SLC2A14: variants seen among roughly 807,000 people sequenced by gnomAD.
SLC2A14 encodes the protein solute carrier family 2, facilitated glucose transporter member 14.
In SLC2A14, 13 loss-of-function variants were observed where a neutral mutation model predicts 43.0. The ratio of observed to expected loss-of-function variants is 0.30; its 90% CI spans 0.20 to 0.48. The LOEUF is 0.48. Ranked by LOEUF, SLC2A14 falls within the 20% of genes least tolerant of loss-of-function variation. The pLI is 0.99. For missense variants in SLC2A14, 428 were observed against 620.4 expected, an observed-to-expected ratio of 0.69 and a Z score of 3.29; for synonymous variants, 190 against 233.8, an observed-to-expected ratio of 0.81 and a Z score of 1.71.
chr12:7,833,922 G>A (rs1387739507), intron 2 of SLC2A14, among the ~76,000 whole-genome samples: 3 of 152,040 alleles, frequency 2.0e-5, no homozygotes, highest in Non-Finnish European at 4.4e-5. Flanking sequence ...TATACCTGAA[G>A]CCATCTTCTA....
At chr12:7,822,549 G>A (rs911857166) in intron 7 of SLC2A14, among the ~76,000 whole-genome samples, 2 of 151,908 alleles carry the variant, frequency 1.3e-5, no homozygotes, top group African/African-American at 4.8e-5. Flanking sequence ...GGCGCCTGTA[G>A]TCCCAGCTAC....
rs114174027 is a variant in SLC2A14, at chr12:7,829,243, C to A, written c.514-377G>T. Among the ~76,000 whole-genome samples the A allele has an allele frequency of 1.2e-3, 175 of 151,774 alleles. 1 individual carries two copies. Among genetic ancestry groups the A allele is most frequent in the African/African-American group, 4.0e-3 (164 of 41,396 alleles). ...AAAACAAAACAAAAGTTCAGAAAAT[C>A]ATACATTATTTTACCATTGAAAAAA... On this transcript the variant is annotated intron_variant, in intron 5 of 10. Coordinates refer to ENST00000431042, the MANE Select transcript of SLC2A14 (RefSeq NM_001286234.2).
chr12:7,827,141 GC>G, intron 7 of SLC2A14, among the ~76,000 whole-genome samples: 1 of 139,954 alleles, frequency 7.1e-6, no homozygotes, highest in South Asian at 2.2e-4. Flanking sequence ...AAGGAGTTCT[GC>G]CCTGGTTGCT....
At chr12:7,851,809 T>C (rs1425564821) in intron 2 of SLC2A14, among the ~76,000 whole-genome samples, 1 of 152,160 alleles carries the variant, frequency 6.6e-6, no homozygotes, top group Non-Finnish European at 1.5e-5. Context: ...CTATTTACTT[T>C]TGTCTCATTA....
intron 1 of SLC2A14, among the ~76,000 whole-genome samples, chr12:7,880,705 A>G (rs1394034898): frequency 7.2e-6 from 1 of 138,276 alleles, no homozygotes; most frequent in Non-Finnish European, 1.6e-5. Context: ...AAAAAAAAAA[A>G]AAAAAAAAAG....
intron 1 of SLC2A14, among the ~76,000 whole-genome samples, chr12:7,881,634 C>T (rs911756005): frequency 5.9e-5 from 9 of 152,166 alleles, no homozygotes; most frequent in African/African-American, 1.9e-4. Context: ...CCAGTCCCAT[C>T]GACCACCCAA....
chr12:7,873,693 A>G (rs7309059), upstream of SLC2A14, among the ~76,000 whole-genome samples: 129,433 of 151,734 alleles, frequency 0.85, 55,517 homozygotes, highest in South Asian at 0.96. Flanking sequence ...CAGTTATTTC[A>G]GACTCAGGAG....
intron 4 of SLC2A14, among the ~76,000 whole-genome samples, chr12:7,830,586 T>C (rs749962612): frequency 6.6e-6 from 1 of 152,148 alleles, no homozygotes; most frequent in Admixed American, 6.5e-5. Context: ...TAGTGAGCTA[T>C]GATTGGGCCA....
chr12:7,817,700 A>G, intron 10 of SLC2A14, 131 bp downstream of exon 10: 2 of 1,109,134 alleles, frequency 1.8e-6, no homozygotes, highest in Non-Finnish European at 2.5e-6. Flanking sequence ...GTGAGCTGAG[A>G]TCGGGCAACT....
chr12:7,822,542 G>A (rs1399128414), intron 7 of SLC2A14, among the ~76,000 whole-genome samples: 2 of 151,880 alleles, frequency 1.3e-5, no homozygotes, highest in Non-Finnish European at 2.9e-5. Flanking sequence ...GGTGGCGGGC[G>A]CCTGTAGTCC....
At chr12:7,886,041 G>A (rs1378943629) in intron 1 of SLC2A14, among the ~76,000 whole-genome samples, 1 of 149,986 alleles carries the variant, frequency 6.7e-6, no homozygotes, top group Non-Finnish European at 1.5e-5. Flanking sequence ...CTGGAGTGCA[G>A]TGGTGCGATC....
At chr12:7,870,825 T>C in intron 1 of SLC2A14, 2 of 1,223,154 alleles carry the variant, frequency 1.6e-6, no homozygotes, top group Non-Finnish European at 2.1e-6. Context: ...AAGAACCCAG[T>C]GAAGCCCCCA....
chr12:7,863,303 C>T (rs76583688), intron 2 of SLC2A14: 109 of 442,190 alleles, frequency 2.5e-4, no homozygotes, highest in East Asian at 1.4e-3. Context: ...GAAAACACTC[C>T]GAACGCATCT....
rs1444352096 is a variant in SLC2A14, at chr12:7,832,805, C to A, written c.28G>T (p.Ala10Ser). The A allele has an allele frequency of 6.2e-7, 1 of 1,614,102 alleles. No homozygotes were observed. Among genetic ancestry groups the A allele is most frequent in the African/African-American group, 1.3e-5 (1 of 75,034 alleles). ...GCAACTGTGATGGCAAAGATCAGAG[C>A]TGGGGTGACCTGGAGAGACAGAGGA... MDNRQNVTP[A>S]LIFAITVATI... is the part of the protein sequence containing the mutation. Residue 10 changes from alanine to serine, a missense_variant, in exon 3 of 11, where the codon GCT (alanine) becomes TCT (serine). Physicochemically the swap from Ala to Ser is moderately conservative, Grantham distance 99. Around this residue, in one of 4 missense-constraint regions of SLC2A14, gnomAD observed 122 missense variants for 128.8 expected, o/e 0.95. Coordinates refer to ENST00000431042, the MANE Select transcript of SLC2A14 (RefSeq NM_001286234.2).
chr12:7,890,393 G>C (rs1347606838), intron 1 of SLC2A14, among the ~76,000 whole-genome samples: 4 of 151,962 alleles, frequency 2.6e-5, no homozygotes, highest in African/African-American at 9.7e-5. Flanking sequence ...TTCCTTCTCA[G>C]ATCACTGAAG....
intron 2 of SLC2A14, among the ~76,000 whole-genome samples, chr12:7,858,248 A>G (rs879614840): frequency 6.6e-6 from 1 of 152,180 alleles, no homozygotes; most frequent in Non-Finnish European, 1.5e-5. Context: ...GTCATCAACA[A>G]ACACTATCTT....
chr12:7,881,266 G>A (rs1945565435), intron 1 of SLC2A14, among the ~76,000 whole-genome samples: 1 of 152,082 alleles, frequency 6.6e-6, no homozygotes, highest in African/African-American at 2.4e-5. Flanking sequence ...CTCAGCTTGC[G>A]GGAGGTGTGG....
chr12:7,832,649 T>A, intron 3 of SLC2A14, 73 bp downstream of exon 3: 1 of 1,554,638 alleles, frequency 6.4e-7, no homozygotes, highest in South Asian at 1.1e-5. Context: ...CCTTAAATTC[T>A]GAATTCTTGA....
chr12:7,826,858 C>CCTTCCTTTCTTTCT lies in SLC2A14; in HGVS notation c.864+636_864+637insAGAAAGAAAGGAAG, dbSNP rs1565507403. Among the ~76,000 whole-genome samples, 39 of 43,192 alleles carry CCTTCCTTTCTTTCT rather than the reference C, an allele frequency of 9.0e-4. 2 individuals are homozygous for CCTTCCTTTCTTTCT. The Admixed American group carries it at 0.01, about 11-fold the overall frequency. 28.3% of individuals were successfully genotyped at this position (43,192 alleles called of 152,430 possible). A position where few individuals can be genotyped will look rare whatever the true frequency, so the allele number is the denominator to read the frequency against. On this transcript the variant is annotated intron_variant, in intron 7 of 10. Transcript: ENST00000431042. The stretch of plus-strand genomic sequence containing the variant: ...CTTTCCTTCCTTCCTTCCTTCCTTT[C>CCTTCCTTTCTTTCT]TTTTTTCTTTCTTTCTTTCTTTCTT...
Sources: gnomAD v4.1 joint callset for allele counts (sites outside exome capture counted in the v4.1 genomes callset) on GRCh38, gnomAD v4.1.1 for gene constraint, gnomAD v4.1.1 regional missense constraint, MANE v1.5 for transcripts, NCBI Gene and HGNC (gene_info 2026-07-23, HGNC 2026-07-21) for gene names.